Variants in CDH7 observed in about 807,000 individuals in gnomAD.
The protein encoded by CDH7 is cadherin-7.
Under a neutral mutation model 71.8 loss-of-function variants are expected in CDH7, and 25 were observed. That is an observed-to-expected ratio of 0.35 (90% confidence interval 0.25 to 0.49). The LOEUF (loss-of-function observed/expected upper bound fraction) is 0.49. CDH7 is among the 20% of genes least tolerant of loss of function. The probability of loss-of-function intolerance (pLI) is 0.99; values close to 1 mark genes in which losing one functional copy is unlikely to be tolerated. For missense variants in CDH7, 862 were observed against 974.6 expected (o/e 0.88, Z 1.54); for synonymous variants, 381 against 363.8 (o/e 1.05, Z -0.54).
chr18:65,775,990 A>T (rs1909926609), intron 2 of CDH7, among the ~76,000 whole-genome samples: 1 of 152,188 alleles, frequency 6.6e-6, no homozygotes, highest in African/African-American at 2.4e-5. Context: ...AATGTTAAAT[A>T]AGAGTTATTT....
chr18:65,874,476 A>G (rs7239998), intron 11 of CDH7, among the ~76,000 whole-genome samples: 9,423 of 152,146 alleles, frequency 0.062, 399 homozygotes, highest in South Asian at 0.14. Context: ...ATGCGTACAC[A>G]TGGATATAGC....
intron 2 of CDH7, among the ~76,000 whole-genome samples, chr18:65,782,881 T>C (rs1910365073): frequency 6.6e-6 from 1 of 152,134 alleles, no homozygotes; most frequent in Non-Finnish European, 1.5e-5. Flanking sequence ...CTGGACAGCA[T>C]TTCAGTGCTA....
At chr18:65,778,457 C>A (rs1910041558) in intron 2 of CDH7, among the ~76,000 whole-genome samples, 1 of 148,438 alleles carries the variant, frequency 6.7e-6, no homozygotes, top group Non-Finnish European at 1.5e-5. Context: ...CAATTCTCCT[C>A]TTCTGCAATC....
intron 2 of CDH7, among the ~76,000 whole-genome samples, chr18:65,795,858 C>A (rs370234507): frequency 1.5e-3 from 232 of 152,042 alleles, no homozygotes; most frequent in African/African-American, 5.3e-3. Flanking sequence ...GGCAGTTCCC[C>A]CATGCTGTTC....
chr18:65,814,389 A>T, intron 3 of CDH7, 96 bp from the exon 4 acceptor site: 1 of 1,379,996 alleles, frequency 7.2e-7, no homozygotes, highest in Non-Finnish European at 1.0e-6. Context: ...GAAAATTTTC[A>T]AATAAGCTTA....
intron 5 of CDH7, among the ~76,000 whole-genome samples, chr18:65,823,857 A>G (rs2143941184): frequency 6.6e-6 from 1 of 152,032 alleles, no homozygotes; most frequent in Admixed American, 6.6e-5. Context: ...AAAGTAAATA[A>G]TTAGAGAAAA....
chr18:65,852,294 T>G (rs1362870605), intron 7 of CDH7, among the ~76,000 whole-genome samples: 1 of 152,144 alleles, frequency 6.6e-6, no homozygotes, highest in African/African-American at 2.4e-5. Context: ...CTGTGAAATT[T>G]TAGAGTCCAG....
intron 1 of CDH7, among the ~76,000 whole-genome samples, chr18:65,757,662 A>T (rs1332043621): frequency 6.6e-6 from 1 of 151,992 alleles, no homozygotes; most frequent in South Asian, 2.1e-4. Flanking sequence ...GACATCTGTG[A>T]TTTACCTCTG....
At chr18:65,841,143 T>A (rs1912718299) in intron 6 of CDH7, among the ~76,000 whole-genome samples, 1 of 152,188 alleles carries the variant, frequency 6.6e-6, no homozygotes, top group African/African-American at 2.4e-5. Flanking sequence ...TAGACTTTCA[T>A]ATGAATTCTT....
intron 7 of CDH7, among the ~76,000 whole-genome samples, chr18:65,852,494 A>C (rs537868131): frequency 6.6e-6 from 1 of 152,202 alleles, no homozygotes; most frequent in African/African-American, 2.4e-5. Context: ...GTCACCGCTT[A>C]TTTACAATGT....
At chr18:65,798,844 G>A (rs1911010402) in intron 2 of CDH7, among the ~76,000 whole-genome samples, 2 of 152,132 alleles carry the variant, frequency 1.3e-5, no homozygotes, top group Admixed American at 1.3e-4. Flanking sequence ...AGATGTGTTG[G>A]CCACCAGCAC....
Position 65,814,566 on chromosome 18 carries a change from T to C in CDH7, c.587T>C (p.Leu196Pro), listed in dbSNP as rs754962939. ...GNSARVVYSI[L>P]QGQPYFSVEP... ...AGTGCCAGAGTGGTCTACAGTATTCTGCAAGGACAGCCGTACTTCTCAGTG... is the reference window on the plus strand; with the variant it reads ...AGTGCCAGAGTGGTCTACAGTATTCCGCAAGGACAGCCGTACTTCTCAGTG... The change falls in exon 4 of 12, where the codon CTG (leucine) becomes CCG (proline). Residue 196 changes from leucine (L) to proline (P), a missense_variant. Transcript: ENST00000397968. 1 of 1,613,666 alleles carries C rather than the reference T, an allele frequency of 6.2e-7. No homozygotes were observed. Among genetic ancestry groups the C allele is most frequent in the Admixed American group, 1.7e-5 (1 of 59,994 alleles).
intron 6 of CDH7, 125 bp from the exon 7 acceptor site, chr18:65,843,687 G>T: frequency 1.3e-6 from 1 of 751,996 alleles, no homozygotes; most frequent in East Asian, 3.0e-5. Context: ...TATTATTTTT[G>T]GATGCTGATG....
At chr18:65,868,613 G>C (rs757466078) in intron 11 of CDH7, among the ~76,000 whole-genome samples, 1 of 152,040 alleles carries the variant, frequency 6.6e-6, no homozygotes, top group South Asian at 2.1e-4. Context: ...TTATTTATTC[G>C]GTTAACTCTG....
At chr18:65,785,417 A>G (rs1910478433) in intron 2 of CDH7, among the ~76,000 whole-genome samples, 1 of 152,126 alleles carries the variant, frequency 6.6e-6, no homozygotes, top group Non-Finnish European at 1.5e-5. Context: ...AAGTTGTAGC[A>G]TGGAATTAAT....
intron 2 of CDH7, among the ~76,000 whole-genome samples, chr18:65,805,704 C>A (rs1911291562): frequency 6.6e-6 from 1 of 152,172 alleles, no homozygotes; most frequent in Non-Finnish European, 1.5e-5. Flanking sequence ...GGGCCATGCC[C>A]AGGGGCCGAT....
rs543238735 is a variant in CDH7 at position 65,887,302 on chromosome 18, C to T, written c.*6408C>T. The T allele has an allele frequency of 6.6e-6, 1 of 151,848 alleles. No individual in the cohort carries two copies. The highest frequency in any genetic ancestry group is 1.5e-5 in the Non-Finnish European group (1 of 67,992). 9.4% of individuals were successfully genotyped at this position (151,848 alleles called of 1,614,324 possible). A position where few individuals can be genotyped will look rare whatever the true frequency, so the allele number is the denominator to read the frequency against. ...TTATTATACTTTAAGTTTTAGGGTA[C>T]ATGTGCACAATGTGCAGGTTAGTTA... On this transcript the variant is annotated 3_prime_UTR_variant, in exon 12 of 12. Coordinates refer to ENST00000397968, the MANE Select transcript of CDH7 (RefSeq NM_004361.5).
intron 2 of CDH7, among the ~76,000 whole-genome samples, chr18:65,774,992 T>C (rs1216878277): frequency 6.6e-6 from 1 of 152,194 alleles, no homozygotes; most frequent in African/African-American, 2.4e-5. Flanking sequence ...GTTTGTTTCC[T>C]GATAAGTAAA....
At position 65,789,663 on chromosome 18, in the gene CDH7, A is replaced by G. The variant is rs113039289; in HGVS notation, c.211-20041A>G. 3.9e-3 allele frequency among the ~76,000 whole-genome samples: 594 copies of G among 152,222 alleles called. 2 individuals carry two copies. Among genetic ancestry groups the G allele is most frequent in the African/African-American group, 0.014 (573 of 41,546 alleles). On this transcript the variant is annotated intron_variant, in intron 2 of 11. Transcript: ENST00000397968. ...GGTGAGGACTGAAAAATGGTCATGG[A>G]TGAATTTAAAAGGATCAGATAAATA...
Sources: gnomAD v4.1 joint callset for allele counts (sites outside exome capture counted in the v4.1 genomes callset) on GRCh38, gnomAD v4.1.1 for gene constraint, MANE v1.5 for transcripts, NCBI Gene and HGNC (gene_info 2026-07-23, HGNC 2026-07-21) for gene names.